The following EYS variants were observed in gnomAD, a reference collection of about 807,000 sequenced individuals.
EYS encodes the protein protein eyes shut homolog.
Under a neutral mutation model 282.1 loss-of-function variants are expected in EYS, and 250 were observed. That is an observed-to-expected ratio of 0.89 (90% confidence interval 0.80 to 0.98). The LOEUF is 0.98. Ranked by LOEUF, EYS falls within the 50% of genes least tolerant of loss-of-function variation. The pLI, the probability that EYS is intolerant of heterozygous loss-of-function variation, is 0.00. For synonymous variants in EYS, 1,355 were observed against 1,282.9 expected (o/e 1.06, Z -1.20); for missense variants, 4,016 against 3,709.0 (o/e 1.08, Z -2.15).
intron 11 of EYS, chr6:65,330,728 G>A (rs933651023): frequency 9.5e-6 from 9 of 951,678 alleles, no homozygotes; most frequent in Middle Eastern, 5.3e-4. Flanking sequence ...TATAAATTGA[G>A]TTTAATTGAA....
intron 15 of EYS, among the ~76,000 whole-genome samples, chr6:64,930,933 G>A (rs1443902391): frequency 6.6e-6 from 1 of 152,100 alleles, no homozygotes; most frequent in Non-Finnish European, 1.5e-5. Context: ...CTCTGCTTTG[G>A]GGGAAGAAAA....
chr6:65,440,163 T>C (rs1277413657), intron 5 of EYS, among the ~76,000 whole-genome samples: 2 of 151,956 alleles, frequency 1.3e-5, no homozygotes, highest in African/African-American at 4.8e-5. Context: ...AAAGGTGAAG[T>C]TAAAGTTGCA....
At chr6:64,032,151 G>A (rs930788832) in intron 33 of EYS, among the ~76,000 whole-genome samples, 1 of 152,084 alleles carries the variant, frequency 6.6e-6, no homozygotes, top group Non-Finnish European at 1.5e-5. Flanking sequence ...AAGGTCCGCA[G>A]CTTCACTCCT....
chr6:64,986,803 T>C (rs928715851), intron 14 of EYS, among the ~76,000 whole-genome samples: 3 of 151,302 alleles, frequency 2.0e-5, no homozygotes, highest in Admixed American at 6.6e-5. Context: ...TCAGAATATA[T>C]ATATATATAT....
At chr6:64,029,221 C>T (rs886917586) in intron 33 of EYS, among the ~76,000 whole-genome samples, 2 of 152,128 alleles carry the variant, frequency 1.3e-5, no homozygotes, top group African/African-American at 4.8e-5. Context: ...ACAGAGAGAG[C>T]CGGGATAGCT....
chr6:64,096,674 A>G (rs889379354), intron 31 of EYS, among the ~76,000 whole-genome samples: 4 of 152,072 alleles, frequency 2.6e-5, no homozygotes, highest in African/African-American at 9.7e-5. Flanking sequence ...CAAGGTTGTT[A>G]TCTTCTTTGC....
intron 31 of EYS, among the ~76,000 whole-genome samples, chr6:64,166,096 G>A (rs762773191): frequency 6.6e-6 from 1 of 152,062 alleles, no homozygotes; most frequent in East Asian, 1.9e-4. Flanking sequence ...CAAATGTAGT[G>A]GTCATTTATT....
intron 12 of EYS, among the ~76,000 whole-genome samples, chr6:65,148,363 T>A (rs142566368): frequency 2.0e-5 from 3 of 152,216 alleles, no homozygotes; most frequent in African/African-American, 7.2e-5. Flanking sequence ...ACAGGCCCCA[T>A]GCAATTCTGA....
At chr6:63,862,041 CCTT>C (rs1772548101) in intron 36 of EYS, among the ~76,000 whole-genome samples, 1 of 152,166 alleles carries the variant, frequency 6.6e-6, no homozygotes, top group Non-Finnish European at 1.5e-5. Context: ...CATTTCCAAA[CCTT>C]CTACCTGGAT....
chr6:64,915,151 T>C (rs1263679316), intron 15 of EYS, among the ~76,000 whole-genome samples: 2 of 152,078 alleles, frequency 1.3e-5, no homozygotes, highest in African/African-American at 4.8e-5. Flanking sequence ...TTACTGAAAT[T>C]GAGTATCTAA....
rs116694741 is a variant in EYS at position 65,298,105 on chromosome 6, A to G, written c.1767-1986T>C. Among the ~76,000 whole-genome samples the G allele has an allele frequency of 6.8e-3, 1,040 of 152,198 alleles. 17 individuals are homozygous for G. The highest frequency in any genetic ancestry group is 0.024 in the African/African-American group (997 of 41,572). On this transcript the variant is annotated intron_variant, in intron 11 of 42. Coordinates refer to ENST00000503581, the MANE Select transcript of EYS (RefSeq NM_001142800.2). ...ACAGGATATCCTGTACAAGAATACG[A>G]AGGCATATCTTTATAATTCTTCCTG... is the stretch of plus-strand genomic sequence containing the variant.
chr6:64,834,420 T>A (rs1415020632), intron 19 of EYS, among the ~76,000 whole-genome samples: 1 of 151,834 alleles, frequency 6.6e-6, no homozygotes, highest in East Asian at 1.9e-4. Context: ...ATTAATATAA[T>A]GTCTACTGTT....
intron 13 of EYS, among the ~76,000 whole-genome samples, chr6:65,045,717 GTCTATGGAA>G (rs2150151653): frequency 6.6e-6 from 1 of 151,934 alleles, no homozygotes; most frequent in East Asian, 2.0e-4. Flanking sequence ...AAGCCACTTA[GTCTATGGAA>G]TTTAAGATAT....
intron 35 of EYS, among the ~76,000 whole-genome samples, chr6:63,876,023 A>G (rs7761902): frequency 0.48 from 73,531 of 151,816 alleles, 18,822 homozygotes; most frequent in African/African-American, 0.64. Flanking sequence ...GCTTTTGAAT[A>G]TGTTTGCTCT....
chr6:65,177,752 T>C (rs9453218), intron 12 of EYS, among the ~76,000 whole-genome samples: 4,051 of 151,940 alleles, frequency 0.027, 138 homozygotes, highest in African/African-American at 0.08. Flanking sequence ...TAGATCACTG[T>C]CTTTTTTTGT....
At chr6:64,763,818 G>T (rs571624324) in intron 22 of EYS, among the ~76,000 whole-genome samples, 1 of 152,174 alleles carries the variant, frequency 6.6e-6, no homozygotes, top group African/African-American at 2.4e-5. Context: ...CAATCTGAAA[G>T]GGAGAAACTG....
chr6:64,480,041 A>G (rs1357362775), intron 26 of EYS, among the ~76,000 whole-genome samples: 1 of 151,858 alleles, frequency 6.6e-6, no homozygotes, highest in Non-Finnish European at 1.5e-5. Context: ...TCACATATAC[A>G]CATGCGGAAA....
intron 26 of EYS, among the ~76,000 whole-genome samples, chr6:64,589,247 T>C (rs1766324707): frequency 6.6e-6 from 1 of 152,090 alleles, no homozygotes; most frequent in African/African-American, 2.4e-5. Flanking sequence ...GAATATATGA[T>C]ATACCAAATA....
At chr6:64,454,803 T>C (rs1401373139) in intron 26 of EYS, among the ~76,000 whole-genome samples, 1 of 152,172 alleles carries the variant, frequency 6.6e-6, no homozygotes, top group Non-Finnish European at 1.5e-5. Flanking sequence ...GGGATAACTC[T>C]AATTTATATC....
Sources: allele counts gnomAD v4.1 joint callset (sites outside exome capture counted in the v4.1 genomes callset), GRCh38; gene constraint gnomAD v4.1.1; transcripts MANE v1.5; gene names NCBI Gene and HGNC (gene_info 2026-07-23, HGNC 2026-07-21).